Variants in HTR2A observed in about 807,000 individuals in gnomAD.
The protein encoded by HTR2A is 5-hydroxytryptamine receptor 2A, also known as 5-HT2 receptor.
HTR2A carries 14 observed loss-of-function variants against 31.0 expected under a neutral mutation model. The observed-to-expected ratio is 0.45, with a 90% CI of 0.30 to 0.71. The LOEUF (loss-of-function observed/expected upper bound fraction) is 0.71. Ranked by LOEUF, HTR2A falls within the 30% of genes least tolerant of loss-of-function variation. The probability of loss-of-function intolerance (pLI) is 0.09; values close to 1 mark genes in which losing one functional copy is unlikely to be tolerated. For synonymous variants in HTR2A, 209 were observed against 225.2 expected, an observed-to-expected ratio of 0.93 and a Z score of 0.64; for missense variants, 442 against 573.3, an observed-to-expected ratio of 0.77 and a Z score of 2.34.
chr13:46,841,838 A>T (rs1006764902), intron 3 of HTR2A, among the ~76,000 whole-genome samples: 3 of 152,188 alleles, frequency 2.0e-5, no homozygotes, highest in African/African-American at 7.2e-5. Flanking sequence ...ACCCATCCAC[A>T]TCTCTCTTGT....
At chr13:46,892,249 T>G in intron 3 of HTR2A, 141 bp downstream of exon 3, 1 of 790,950 alleles carries the variant, frequency 1.3e-6, no homozygotes, top group Non-Finnish European at 2.1e-6. Context: ...AATCTGATAA[T>G]TATGATGTTG....
chr13:46,846,699 T>C (rs768370465), intron 3 of HTR2A, among the ~76,000 whole-genome samples: 2 of 152,018 alleles, frequency 1.3e-5, no homozygotes, highest in Admixed American at 1.3e-4. Context: ...AAAGTACACA[T>C]TGGGATTCAC....
In HTR2A at chr13:46,895,539, A is replaced by T; in HGVS notation, c.368T>A (p.Leu123Gln). The T allele has an allele frequency of 6.2e-7, 1 of 1,614,212 alleles. No homozygotes were observed. Among genetic ancestry groups the T allele is most frequent in the Non-Finnish European group, 8.5e-7 (1 of 1,180,036 alleles). ...LMSLAIADML[L>Q]GFLVMPVSML... ...GGACACGGGCATGACAAGGAAACCC[A>T]GCAGCATATCAGCTATGGCAAGTGA... Residue 123 changes from leucine (L) to glutamine (Q), a missense_variant, in exon 2 of 4, where the codon CTG (leucine) becomes CAG (glutamine). By Grantham distance (113) the Leu-to-Gln change is moderately radical. This residue lies in a region of HTR2A where 86 missense variants were observed against 179.1 expected (regional missense o/e 0.48). Coordinates refer to ENST00000542664, the MANE Select transcript of HTR2A (RefSeq NM_000621.5). This position sits in a 1 kb window ranked among gnomAD's most constrained non-coding sequence, Gnocchi z 4.4.
chr13:46,882,373 T>C (rs1360317619), intron 3 of HTR2A, among the ~76,000 whole-genome samples: 2 of 152,196 alleles, frequency 1.3e-5, no homozygotes, highest in African/African-American at 2.4e-5. Context: ...GCAAAGGTGG[T>C]ATATGAAGTC....
Position 46,892,549 on chromosome 13 carries a change from T to C in HTR2A, c.454A>G (p.Ile152Val), listed in dbSNP as rs1407993241. ...PLPSKLCAVW[I>V]YLDVLFSTAS... ...GTGGAGAAGAGCACGTCCAGGTAAA[T>C]CCAGACTGCACAAAGCTTGCTCGGC... is the stretch of plus-strand genomic sequence containing the variant. Residue 152 changes from isoleucine to valine, a missense_variant, in exon 3 of 4, where the codon ATT (isoleucine) becomes GTT (valine). Transcript: ENST00000542664. The C allele has an allele frequency of 6.2e-7, 1 of 1,613,984 alleles. No homozygotes were observed. Among genetic ancestry groups the C allele is most frequent in the Non-Finnish European group, 8.5e-7 (1 of 1,180,024 alleles).
At chr13:46,839,429 A>T (rs183082690) in intron 3 of HTR2A, among the ~76,000 whole-genome samples, 1 of 152,300 alleles carries the variant, frequency 6.6e-6, no homozygotes, top group Non-Finnish European at 1.5e-5. Context: ...ATGTGCCTCT[A>T]CCAAGAGAGA....
chr13:46,892,664 A>G (rs939100523), intron 2 of HTR2A, 74 bp from the exon 3 acceptor site: 28 of 1,286,392 alleles, frequency 2.2e-5, no homozygotes, highest in Non-Finnish European at 2.8e-5. Context: ...TCCTATGACA[A>G]TTTCCAGCTC....
In HTR2A at chr13:46,839,643, T is replaced by C. The variant is rs542544372; in HGVS notation, c.614-4004A>G. On this transcript the variant is annotated intron_variant, in intron 3 of 3. Coordinates refer to ENST00000542664, the MANE Select transcript of HTR2A (RefSeq NM_000621.5). ...ACTCTGCATTTTGTTTAATATATTT[T>C]TTCTGAAGAGTGGAAAACAGCAGTC... 8.5e-5 allele frequency among the ~76,000 whole-genome samples: 13 copies of C among 152,316 alleles called. 1 individual carries two copies. The East Asian group carries it at 1.9e-3, about 23-fold the overall frequency.
Position 46,834,787 on chromosome 13 carries a change from G to A in HTR2A, c.*50C>T. 1 of 1,440,744 alleles carries A rather than the reference G, an allele frequency of 6.9e-7. No individual in the cohort carries two copies. The highest frequency in any genetic ancestry group is 9.4e-7 in the Non-Finnish European group (1 of 1,061,898). 89.2% of individuals were successfully genotyped at this position (1,440,744 alleles called of 1,614,324 possible). A position where few individuals can be genotyped will look rare whatever the true frequency, so the allele number is the denominator to read the frequency against. On this transcript the variant is annotated 3_prime_UTR_variant, in exon 4 of 4. Coordinates refer to ENST00000542664, the MANE Select transcript of HTR2A (RefSeq NM_000621.5). ...CTCATATTTTTTTTTTTCCAGATAG[G>A]TGAAAACTTGCTCAGTGTGCCTTCC... is the stretch of plus-strand genomic sequence containing the variant.
intron 3 of HTR2A, among the ~76,000 whole-genome samples, chr13:46,843,219 A>G (rs1950613620): frequency 6.6e-6 from 1 of 152,296 alleles, no homozygotes; most frequent in South Asian, 2.1e-4. Flanking sequence ...TATTGTTATA[A>G]TTGTTCTATT....
chr13:46,883,943 T>C (rs1044555399), intron 3 of HTR2A, among the ~76,000 whole-genome samples: 1 of 152,190 alleles, frequency 6.6e-6, no homozygotes, highest in Admixed American at 6.5e-5. Context: ...ACCACACTGA[T>C]AATGGTGAGC....
intron 3 of HTR2A, among the ~76,000 whole-genome samples, chr13:46,863,650 GAAAAAAA>G (rs1186874509): frequency 5.4e-4 from 28 of 51,888 alleles, no homozygotes; most frequent in South Asian, 8.8e-4. Context: ...AAAAAAAAAA[GAAAAAAA>G]AAAAAGACAG....
intron 3 of HTR2A, among the ~76,000 whole-genome samples, chr13:46,882,295 G>A (rs1484051964): frequency 6.6e-6 from 1 of 151,932 alleles, no homozygotes; most frequent in Non-Finnish European, 1.5e-5. Flanking sequence ...GTATGTTGTG[G>A]TGAACGACTA....
At chr13:46,880,314 A>G (rs1950950419) in intron 3 of HTR2A, among the ~76,000 whole-genome samples, 1 of 152,138 alleles carries the variant, frequency 6.6e-6, no homozygotes, top group African/African-American at 2.4e-5. Flanking sequence ...AGCCCAGAAA[A>G]GACTGATCTG....
intron 3 of HTR2A, among the ~76,000 whole-genome samples, chr13:46,876,402 ATATTT>A (rs1436999602): frequency 4.4e-3 from 342 of 78,358 alleles, no homozygotes; most frequent in South Asian, 0.017. Flanking sequence ...ATATATATAT[ATATTT>A]TTTTTTTTTT....
At chr13:46,892,304 G>C (rs145194929) in intron 3 of HTR2A, 86 bp downstream of exon 3, 2 of 1,262,826 alleles carry the variant, frequency 1.6e-6, no homozygotes, top group Non-Finnish European at 2.3e-6. Context: ...AGGATGTCAG[G>C]TTTCAGTACA....
At chr13:46,852,336 C>T (rs1950692187) in intron 3 of HTR2A, 5 of 152,496 alleles carry the variant, frequency 3.3e-5, no homozygotes, top group Admixed American at 2.6e-4. Context: ...GGGACTCGCT[C>T]TGGCGCTTGG....
At chr13:46,851,164 T>G (rs1283574610) in intron 3 of HTR2A, among the ~76,000 whole-genome samples, 1 of 152,264 alleles carries the variant, frequency 6.6e-6, no homozygotes, top group African/African-American at 2.4e-5. Flanking sequence ...TGTGTGTATG[T>G]GTCTGTGTAT....
At position 46,838,967 on chromosome 13, in the gene HTR2A, G is replaced by GAC. The variant is rs1235268895; in HGVS notation, c.614-3330_614-3329dup. Among the ~76,000 whole-genome samples, 400 of 136,890 alleles carry GAC rather than the reference G, an allele frequency of 2.9e-3. 2 individuals carry two copies. Among genetic ancestry groups the GAC allele is most frequent in the African/African-American group, 0.011 (375 of 33,278 alleles). The allele number at this position is 136,890 out of a possible 152,430, so 89.8% of individuals were successfully genotyped here. On this transcript the variant is annotated intron_variant, in intron 3 of 3. Transcript: ENST00000542664. Reference sequence around the variant, plus strand: ...TTATTTGGAATAGTGTCTTTGGTTGGACACACACATACACACACACACACA... The same window carrying GAC: ...TTATTTGGAATAGTGTCTTTGGTTGGACACACACACATACACACACACACACA...
Sources: gnomAD v4.1 joint callset for allele counts (sites outside exome capture counted in the v4.1 genomes callset) on GRCh38, gnomAD v4.1.1 for gene constraint, gnomAD v4.1.1 regional missense constraint, Gnocchi (gnomAD v3.1) non-coding constraint, MANE v1.5 for transcripts, NCBI Gene and HGNC (gene_info 2026-07-23, HGNC 2026-07-21) for gene names.